The following ASB5 variants were observed in gnomAD, a reference collection of about 807,000 sequenced individuals.
The protein encoded by ASB5 is ankyrin repeat and SOCS box containing 5, also known as ankyrin repeat and SOCS box protein 5.
ASB5 carries 45 observed loss-of-function variants against 42.1 expected under a neutral mutation model. That is an observed-to-expected ratio of 1.07 (90% CI 0.84 to 1.37). The LOEUF (loss-of-function observed/expected upper bound fraction) is 1.37, where lower values mean the gene tolerates loss of function less well. Ranked by LOEUF, ASB5 falls within the 40% of genes most tolerant of loss-of-function variation. ASB5 has a pLI of 0.00. For missense variants in ASB5, 402 were observed against 399.8 expected (o/e 1.01, Z -0.05); for synonymous variants, 147 against 150.6 (o/e 0.98, Z 0.18).
chr4:176,213,752 A>T lies in ASB5; in HGVS notation c.*1848T>A, dbSNP rs1752896015. On this transcript the variant is annotated 3_prime_UTR_variant, in exon 7 of 7. Transcript: ENST00000296525. ...ATTAAAGTTAGAACACTACTTTGATAAGACAATCATACTCAAGCTAAGATA... is the reference window on the plus strand; with the variant it reads ...ATTAAAGTTAGAACACTACTTTGATTAGACAATCATACTCAAGCTAAGATA... 1 of 152,116 alleles carries T rather than the reference A, an allele frequency of 6.6e-6. No homozygotes were observed. The highest frequency in any genetic ancestry group is 1.5e-5 in the Non-Finnish European group (1 of 67,970). 9.4% of individuals were successfully genotyped at this position (152,116 alleles called of 1,614,324 possible). A position where few individuals can be genotyped will look rare whatever the true frequency, so the allele number is the denominator to read the frequency against.
At chr4:176,223,424 C>G (rs1287263525) in intron 2 of ASB5, among the ~76,000 whole-genome samples, 1 of 152,108 alleles carries the variant, frequency 6.6e-6, no homozygotes, top group Non-Finnish European at 1.5e-5. Context: ...AACACTTTTT[C>G]ACTGTATTCC....
intron 1 of ASB5, among the ~76,000 whole-genome samples, chr4:176,252,911 A>G (rs80139983): frequency 1.3e-5 from 2 of 152,312 alleles, no homozygotes; most frequent in East Asian, 3.9e-4. Flanking sequence ...ACATAATACC[A>G]TTACCTTATG....
At chr4:176,242,097 C>T (rs1753823685) in intron 1 of ASB5, among the ~76,000 whole-genome samples, 2 of 152,260 alleles carry the variant, frequency 1.3e-5, no homozygotes, top group South Asian at 4.1e-4. Context: ...ACCTGGTACC[C>T]TACAGCAAAA....
intron 1 of ASB5, among the ~76,000 whole-genome samples, chr4:176,236,313 T>C (rs937757823): frequency 6.6e-6 from 1 of 152,202 alleles, no homozygotes; most frequent in African/African-American, 2.4e-5. Context: ...CTTCTGGACT[T>C]TAAGGACCAT....
chr4:176,225,168 GTAAGTGGTTTTAT>G, intron 2 of ASB5, 81 bp downstream of exon 2: 1 of 955,474 alleles, frequency 1.0e-6, no homozygotes, highest in Non-Finnish European at 1.6e-6. Flanking sequence ...GAAGTAAAAT[GTAAGTGGTTTTAT>G]CATATTTGCA....
chr4:176,244,372 T>C (rs1021073400), intron 1 of ASB5, among the ~76,000 whole-genome samples: 2 of 152,184 alleles, frequency 1.3e-5, no homozygotes, highest in Non-Finnish European at 2.9e-5. Flanking sequence ...ATAAACCACA[T>C]TTACATCCAC....
chr4:176,276,777 T>A (rs949566212), intron 1 of ASB5, among the ~76,000 whole-genome samples: 1 of 152,192 alleles, frequency 6.6e-6, no homozygotes, highest in African/African-American at 2.4e-5. Context: ...CATCTTGTTG[T>A]ATATTACCGT....
intron 1 of ASB5, among the ~76,000 whole-genome samples, chr4:176,232,128 C>A (rs28690108): frequency 1.8e-3 from 180 of 98,430 alleles, no homozygotes; most frequent in Middle Eastern, 4.3e-3. Flanking sequence ...TATATATATA[C>A]TTTTTTTTTT....
chr4:176,234,559 G>A (rs1048961992), intron 1 of ASB5, among the ~76,000 whole-genome samples: 1 of 152,126 alleles, frequency 6.6e-6, no homozygotes, highest in Admixed American at 6.5e-5. Context: ...TAGAATGCTA[G>A]ACCTTAGAAA....
chr4:176,254,362 C>T (rs1754106863), intron 1 of ASB5, among the ~76,000 whole-genome samples: 1 of 152,098 alleles, frequency 6.6e-6, no homozygotes, highest in Non-Finnish European at 1.5e-5. Context: ...TAGCTATATG[C>T]AGAAAATGAA....
chr4:176,257,496 C>T (rs2126973977), intron 1 of ASB5, among the ~76,000 whole-genome samples: 1 of 152,294 alleles, frequency 6.6e-6, no homozygotes, highest in Middle Eastern at 3.4e-3. Flanking sequence ...ACTAGCCAAA[C>T]TCTGCATTAC....
chr4:176,246,072 A>AC (rs2126966459), intron 1 of ASB5, among the ~76,000 whole-genome samples: 1 of 152,292 alleles, frequency 6.6e-6, no homozygotes, highest in East Asian at 1.9e-4. Context: ...GATAAAAAAA[A>AC]AGAAATCCCC....
At chr4:176,264,709 T>C (rs1015627367) in intron 1 of ASB5, among the ~76,000 whole-genome samples, 1 of 152,110 alleles carries the variant, frequency 6.6e-6, no homozygotes, top group African/African-American at 2.4e-5. Flanking sequence ...ACTTGACCTG[T>C]GTGGCTAATC....
At chr4:176,225,230 G>C (rs559483430) in intron 2 of ASB5, 32 bp downstream of exon 2, 1 of 1,529,078 alleles carries the variant, frequency 6.5e-7, no homozygotes, top group South Asian at 1.1e-5. Flanking sequence ...CATGGAAAGG[G>C]GGTATATTTT....
intron 1 of ASB5, among the ~76,000 whole-genome samples, chr4:176,262,862 T>C (rs1463449032): frequency 2.0e-5 from 3 of 152,154 alleles, no homozygotes; most frequent in African/African-American, 7.2e-5. Flanking sequence ...GGAAAACTGA[T>C]CCCTCCTAAA....
chr4:176,236,356 C>T (rs768596970), intron 1 of ASB5, among the ~76,000 whole-genome samples: 45 of 152,110 alleles, frequency 3.0e-4, no homozygotes, highest in Non-Finnish European at 5.3e-4. Flanking sequence ...CTGCTCCCCG[C>T]CTCTAGCACA....
rs1753813648 is a variant in ASB5, at chr4:176,241,593, A to C, written c.197-16252T>G. On this transcript the variant is annotated intron_variant, in intron 1 of 6. Coordinates refer to ENST00000296525, the MANE Select transcript of ASB5 (RefSeq NM_080874.4). The stretch of plus-strand genomic sequence containing the variant: ...ATACAACCTTTAGGAGTCATATCTG[A>C]GCCCAGTTCTTGCTCCATTTTATTT... The C allele has an allele frequency of 2.6e-5, 38 of 1,444,084 alleles. No individual in the cohort carries two copies. The South Asian group carries it at 5.2e-4, about 20-fold the overall frequency. The allele number at this position is 1,444,084 out of a possible 1,614,324, so 89.5% of individuals were successfully genotyped here.
intron 5 of ASB5, 135 bp from the exon 6 acceptor site, chr4:176,217,144 T>TCC (rs1752994314): frequency 2.2e-5 from 15 of 668,310 alleles, no homozygotes; most frequent in Non-Finnish European, 3.8e-5. Context: ...TTATGAGTTA[T>TCC]TTCTTTATAT....
At chr4:176,224,868 A>G (rs1033116454) in intron 2 of ASB5, among the ~76,000 whole-genome samples, 3 of 152,242 alleles carry the variant, frequency 2.0e-5, no homozygotes, top group African/African-American at 7.2e-5. Context: ...CAATGTTAAA[A>G]AAGATTGCTT....
Sources: allele counts gnomAD v4.1 joint callset (sites outside exome capture counted in the v4.1 genomes callset), GRCh38; gene constraint gnomAD v4.1.1; transcripts MANE v1.5; gene names NCBI Gene and HGNC (gene_info 2026-07-23, HGNC 2026-07-21).